Variants in PAK3 observed in about 807,000 individuals in gnomAD.
PAK3 encodes the protein p21 (RAC1) activated kinase 3, also known as serine/threonine-protein kinase PAK 3.
A neutral mutation model predicts 41.0 loss-of-function variants in PAK3; 4 were observed. The ratio of observed to expected loss-of-function variants is 0.10; its 90% CI spans 0.05 to 0.22. The LOEUF is 0.22. PAK3 is among the 10% of genes least tolerant of loss of function. The pLI is 1.00. For missense variants in PAK3, 205 were observed against 409.9 expected, an observed-to-expected ratio of 0.50 and a Z score of 4.32; for synonymous variants, 146 against 139.6, an observed-to-expected ratio of 1.05 and a Z score of -0.32.
At position 111,137,740 on chromosome X, in the gene PAK3, T is replaced by A. The variant is rs186169366; in HGVS notation, c.176-4356T>A. Among the ~76,000 whole-genome samples, 104 of 111,582 alleles carry A rather than the reference T, an allele frequency of 9.3e-4. 1 individual carries two copies. The highest frequency in any genetic ancestry group is 3.3e-3 in the African/African-American group (102 of 30,746). On this transcript the variant is annotated intron_variant, in intron 5 of 17. Transcript: ENST00000372007. ...CAGGAATTACAACCAGAACTCCCAA[T>A]AGATCTCAAGGCCAAATGCTGTTTG...
At chrX:111,105,985 T>G (rs1308220916) in intron 4 of PAK3, among the ~76,000 whole-genome samples, 1 of 111,779 alleles carries the variant, frequency 8.9e-6, no homozygotes, top group East Asian at 2.8e-4. Context: ...GCACATGTAC[T>G]TAACACTCAC....
chrX:111,027,383 C>T (rs1180622576), intron 1 of PAK3, among the ~76,000 whole-genome samples: 11 of 111,731 alleles, frequency 9.8e-5, no homozygotes, highest in African/African-American at 3.6e-4. Flanking sequence ...AACAGACAAC[C>T]CACAGAGTGG....
At chrX:111,195,602 C>T (rs1230822592) in intron 14 of PAK3, among the ~76,000 whole-genome samples, 2 of 111,916 alleles carry the variant, frequency 1.8e-5, no homozygotes, top group Non-Finnish European at 3.8e-5. Flanking sequence ...CTATTTATCA[C>T]ATTATCATTC....
At chrX:110,966,967 G>A (rs2091094439) in intron 1 of PAK3, among the ~76,000 whole-genome samples, 1 of 112,320 alleles carries the variant, frequency 8.9e-6, no homozygotes, top group Non-Finnish European at 1.9e-5. Flanking sequence ...AGAAATGATT[G>A]TTGTCCTATG....
At chrX:111,022,861 G>A (rs1231446759) in intron 1 of PAK3, among the ~76,000 whole-genome samples, 3 of 110,372 alleles carry the variant, frequency 2.7e-5, no homozygotes. Flanking sequence ...CATGCAAACG[G>A]ACACCAGAAG....
intron 1 of PAK3, among the ~76,000 whole-genome samples, chrX:111,025,641 G>C (rs749334136): frequency 4.5e-5 from 5 of 110,385 alleles, no homozygotes; most frequent in Non-Finnish European, 9.5e-5. Flanking sequence ...AGATTCAAAT[G>C]GTAATTTAAA....
intron 4 of PAK3, among the ~76,000 whole-genome samples, chrX:111,114,398 C>A (rs1394352416): frequency 8.1e-5 from 9 of 111,725 alleles, no homozygotes; most frequent in Non-Finnish European, 3.8e-5. Context: ...ACTTAAGGGG[C>A]CTCAATAATA....
intron 1 of PAK3, among the ~76,000 whole-genome samples, chrX:110,962,178 C>T (rs746260959): frequency 8.9e-5 from 10 of 112,127 alleles, no homozygotes; most frequent in African/African-American, 2.9e-4. Context: ...TATCAGACTG[C>T]CTATGGACTG....
At chrX:111,077,588 G>C in intron 1 of PAK3, among the ~76,000 whole-genome samples, 2 of 111,799 alleles carry the variant, frequency 1.8e-5, no homozygotes, top group Middle Eastern at 9.3e-3. Flanking sequence ...AATGGTGCGG[G>C]CATAACTTGA....
chrX:111,112,357 T>G (rs1041329479), intron 4 of PAK3, among the ~76,000 whole-genome samples: 1 of 110,399 alleles, frequency 9.1e-6, no homozygotes, highest in Non-Finnish European at 1.9e-5. Context: ...GCCTGCTTCG[T>G]CAGGCTCCAG....
intron 1 of PAK3, among the ~76,000 whole-genome samples, chrX:110,954,868 C>G (rs1282705109): frequency 9.0e-6 from 1 of 111,253 alleles, no homozygotes; most frequent in African/African-American, 3.3e-5. Context: ...CTACTCCCAG[C>G]AGGAGACTAG....
At chrX:111,172,769 C>A (rs773070892) in intron 10 of PAK3, among the ~76,000 whole-genome samples, 178 of 110,525 alleles carry the variant, frequency 1.6e-3, no homozygotes, top group Non-Finnish European at 3.0e-3. Flanking sequence ...TGAATATAAG[C>A]AAAATGGGTT....
chrX:111,174,047 T>C (rs1213735856), intron 11 of PAK3, among the ~76,000 whole-genome samples: 1 of 111,548 alleles, frequency 9.0e-6, no homozygotes, highest in Non-Finnish European at 1.9e-5. Flanking sequence ...ACAGCCAATA[T>C]GCTTGCAAAA....
chrX:111,010,924 A>T (rs5985574), intron 1 of PAK3, among the ~76,000 whole-genome samples: 1 of 110,801 alleles, frequency 9.0e-6, no homozygotes, highest in African/African-American at 3.3e-5. Flanking sequence ...TCCACTTTTG[A>T]TATATCCGGG....
At chrX:111,063,835 A>C (rs867343837) in intron 1 of PAK3, among the ~76,000 whole-genome samples, 11 of 109,956 alleles carry the variant, frequency 1.0e-4, no homozygotes, top group Non-Finnish European at 1.1e-4. Context: ...AAAAAAAAAA[A>C]AATCAATGAC....
At chrX:110,946,355 C>CA (rs33965130) in intron 1 of PAK3, among the ~76,000 whole-genome samples, 513 of 13,412 alleles carry the variant, frequency 0.038, 2 homozygotes, top group Middle Eastern at 0.097. Flanking sequence ...TGACTGGTGG[C>CA]CAAAAAAAAA....
chrX:111,221,500 C>A lies in PAK3; in HGVS notation c.*1053C>A, dbSNP rs893552652. ...ATAATGATACCTAAATTAATCCTCTCTTGTGCTTATGAAACATATGCACTG... is the reference window on the plus strand; with the variant it reads ...ATAATGATACCTAAATTAATCCTCTATTGTGCTTATGAAACATATGCACTG... On this transcript the variant is annotated 3_prime_UTR_variant, in exon 18 of 18. Transcript: ENST00000372007. 8.9e-6 allele frequency: 1 copy of A among 112,291 alleles called. No individual in the cohort carries two copies. The highest frequency in any genetic ancestry group is 1.9e-5 in the Non-Finnish European group (1 of 53,194). 9.3% of individuals were successfully genotyped at this position (112,291 alleles called of 1,213,427 possible).
At chrX:111,115,973 G>C (rs2093457247) in intron 4 of PAK3, among the ~76,000 whole-genome samples, 1 of 111,190 alleles carries the variant, frequency 9.0e-6, no homozygotes, top group African/African-American at 3.3e-5. Context: ...AAAATCTCTA[G>C]GAAATTCAGG....
intron 1 of PAK3, among the ~76,000 whole-genome samples, chrX:110,959,138 C>T (rs1385207108): frequency 8.9e-6 from 1 of 111,762 alleles, no homozygotes; most frequent in East Asian, 2.8e-4. Flanking sequence ...AATGGTCTCA[C>T]GGGAATGTGT....
Sources: allele counts gnomAD v4.1 joint callset (sites outside exome capture counted in the v4.1 genomes callset), GRCh38; gene constraint gnomAD v4.1.1; transcripts MANE v1.5; gene names NCBI Gene and HGNC (gene_info 2026-07-23, HGNC 2026-07-21).